Variants in PRDM5 observed in about 807,000 individuals in gnomAD.
PRDM5 encodes PR/SET domain 5.
PRDM5 carries 56 observed loss-of-function variants against 81.2 expected under a neutral mutation model. The observed-to-expected ratio is 0.69, with a 90% confidence interval of 0.56 to 0.86. PRDM5 has a LOEUF of 0.86. Ranked by LOEUF, PRDM5 falls within the 40% of genes least tolerant of loss-of-function variation. The probability of loss-of-function intolerance (pLI) is 0.00; values close to 1 mark genes in which losing one functional copy is unlikely to be tolerated. For missense variants in PRDM5, 697 were observed against 770.1 expected, an observed-to-expected ratio of 0.91 and a Z score of 1.12; for synonymous variants, 267 against 256.4, an observed-to-expected ratio of 1.04 and a Z score of -0.39.
chr4:120,878,456 A>G lies in PRDM5; in HGVS notation c.178-24916T>C, dbSNP rs183913272. Among the ~76,000 whole-genome samples, 6 of 152,340 alleles carry G rather than the reference A, an allele frequency of 3.9e-5. No individual in the cohort carries two copies. The East Asian group carries it at 1.2e-3, about 29-fold the overall frequency. On this transcript the variant is annotated intron_variant, in intron 2 of 15. Transcript: ENST00000264808. ...CTAAATGTAAAATTTTCTAAAACTAAAAAATTCCTGGAAAATGACATAGGA... is the reference window on the plus strand; with the variant it reads ...CTAAATGTAAAATTTTCTAAAACTAGAAAATTCCTGGAAAATGACATAGGA...
At chr4:120,775,215 C>T (rs10857074) in intron 13 of PRDM5, among the ~76,000 whole-genome samples, 116,879 of 151,474 alleles carry the variant, frequency 0.77, 45,344 homozygotes, top group East Asian at 0.87. Context: ...GTGTAGAATA[C>T]ACTTTAAATT....
At chr4:120,708,232 T>C (rs376962995) in intron 15 of PRDM5, among the ~76,000 whole-genome samples, 11 of 151,930 alleles carry the variant, frequency 7.2e-5, no homozygotes, top group African/African-American at 2.4e-4. Context: ...AGTCATAAGG[T>C]AGAAAGAAGT....
At chr4:120,715,474 C>T (rs17412142) in intron 14 of PRDM5, among the ~76,000 whole-genome samples, 20,392 of 152,128 alleles carry the variant, frequency 0.13, 1,552 homozygotes, top group Middle Eastern at 0.21. Flanking sequence ...GTGCTTTCCC[C>T]TCTAGTCTGA....
intron 2 of PRDM5, among the ~76,000 whole-genome samples, chr4:120,858,568 CGCGT>C (rs1760159091): frequency 1.3e-5 from 2 of 150,366 alleles, no homozygotes; most frequent in South Asian, 2.1e-4. Context: ...TGCTTATGAA[CGCGT>C]GCGTGCGCGC....
intron 10 of PRDM5, among the ~76,000 whole-genome samples, chr4:120,793,003 T>C (rs1257491875): frequency 6.6e-6 from 1 of 152,128 alleles, no homozygotes; most frequent in Non-Finnish European, 1.5e-5. Context: ...TAGAGATGTA[T>C]ACTACAGCAG....
intron 3 of PRDM5, among the ~76,000 whole-genome samples, chr4:120,848,205 A>G (rs753842054): frequency 3.3e-5 from 5 of 152,226 alleles, no homozygotes; most frequent in Non-Finnish European, 1.5e-5. Context: ...ACATAAAAAA[A>G]TCAAGGGATA....
intron 2 of PRDM5, among the ~76,000 whole-genome samples, chr4:120,863,811 C>G (rs751849288): frequency 2.8e-4 from 42 of 152,072 alleles, no homozygotes; most frequent in Admixed American, 3.9e-4. Context: ...AAAATTATAA[C>G]AATGAAAGAA....
intron 13 of PRDM5, among the ~76,000 whole-genome samples, chr4:120,776,808 A>G (rs973238026): frequency 1.6e-4 from 25 of 152,150 alleles, no homozygotes; most frequent in African/African-American, 5.8e-4. Context: ...GCAACATTCC[A>G]AGGTAAAAAG....
chr4:120,890,844 T>G (rs555420394), intron 2 of PRDM5, among the ~76,000 whole-genome samples: 4 of 152,312 alleles, frequency 2.6e-5, no homozygotes, highest in Admixed American at 1.3e-4. Context: ...GTTAATTTGT[T>G]TAAGTACCTT....
chr4:120,740,726 C>G (rs567940363), intron 14 of PRDM5, among the ~76,000 whole-genome samples: 1 of 152,298 alleles, frequency 6.6e-6, no homozygotes, highest in East Asian at 1.9e-4. Flanking sequence ...GAATGGGCCT[C>G]CCTGACTCAA....
chr4:120,799,609 TG>T, intron 9 of PRDM5, 51 bp downstream of exon 9: 1 of 1,591,494 alleles, frequency 6.3e-7, no homozygotes, highest in South Asian at 1.1e-5. Context: ...AAAGTGACAA[TG>T]TAATTTTTTT....
At chr4:120,833,015 C>T (rs999977903) in intron 3 of PRDM5, among the ~76,000 whole-genome samples, 14 of 151,976 alleles carry the variant, frequency 9.2e-5, no homozygotes, top group African/African-American at 2.4e-5. Context: ...TATTGAATAC[C>T]CACACACATA....
At chr4:120,772,639 C>T (rs539451088) in intron 13 of PRDM5, among the ~76,000 whole-genome samples, 1 of 152,338 alleles carries the variant, frequency 6.6e-6, no homozygotes, top group African/African-American at 2.4e-5. Context: ...AGAATGGCCT[C>T]TGTCAGCCGG....
downstream of PRDM5, among the ~76,000 whole-genome samples, chr4:120,687,736 C>G (rs1278134466): frequency 6.6e-6 from 1 of 152,102 alleles, no homozygotes; most frequent in Non-Finnish European, 1.5e-5. Context: ...AGGTCATGAG[C>G]GCTCTGCCCT....
At chr4:120,898,965 G>A (rs746453311) in intron 2 of PRDM5, among the ~76,000 whole-genome samples, 1 of 152,020 alleles carries the variant, frequency 6.6e-6, no homozygotes, top group Non-Finnish European at 1.5e-5. Context: ...TTCCAAACGA[G>A]CACATCATTT....
intron 4 of PRDM5, among the ~76,000 whole-genome samples, chr4:120,819,546 A>C (rs554169787): frequency 6.6e-6 from 1 of 152,104 alleles, no homozygotes; most frequent in African/African-American, 2.4e-5. Context: ...TTTTAAAAAA[A>C]CCAAAATAGC....
At chr4:120,798,653 T>C (rs1751681263) in intron 9 of PRDM5, among the ~76,000 whole-genome samples, 1 of 152,202 alleles carries the variant, frequency 6.6e-6, no homozygotes. Flanking sequence ...GTAGCTTAGA[T>C]ATAAAGAAAA....
intron 3 of PRDM5, among the ~76,000 whole-genome samples, chr4:120,835,859 A>T (rs1757295315): frequency 6.6e-6 from 1 of 152,212 alleles, no homozygotes; most frequent in Admixed American, 6.5e-5. Context: ...TGGTTTCAGG[A>T]AGCCAAAGAA....
chr4:120,737,807 A>C (rs1741336082), intron 14 of PRDM5, among the ~76,000 whole-genome samples: 1 of 152,230 alleles, frequency 6.6e-6, no homozygotes, highest in South Asian at 2.1e-4. Flanking sequence ...GTAGTCATTT[A>C]ATCAATGTTT....
Sources: gnomAD v4.1 joint callset for allele counts (sites outside exome capture counted in the v4.1 genomes callset) on GRCh38, gnomAD v4.1.1 for gene constraint, MANE v1.5 for transcripts, NCBI Gene and HGNC (gene_info 2026-07-23, HGNC 2026-07-21) for gene names.